Variants in FUT9 observed in about 807,000 individuals in gnomAD.
The protein encoded by FUT9 is 4-galactosyl-N-acetylglucosaminide 3-alpha-L-fucosyltransferase 9.
Under a neutral mutation model 29.7 loss-of-function variants are expected in FUT9, and 15 were observed. That is an observed-to-expected ratio of 0.51 (90% confidence interval 0.34 to 0.78). The LOEUF (loss-of-function observed/expected upper bound fraction) is 0.78. Among genes scored for constraint, FUT9 ranks in the 30% least tolerant of loss-of-function variants. The pLI is 0.01. For synonymous variants in FUT9, 169 were observed against 153.7 expected, an observed-to-expected ratio of 1.10 and a Z score of -0.74; for missense variants, 319 against 425.4, an observed-to-expected ratio of 0.75 and a Z score of 2.20.
chr6:96,183,838 A>T (rs1283861100), intron 2 of FUT9, among the ~76,000 whole-genome samples: 1 of 152,018 alleles, frequency 6.6e-6, no homozygotes, highest in Non-Finnish European at 1.5e-5. Context: ...TATTGGATTC[A>T]GTTAGCTAAT....
At chr6:96,179,809 G>C (rs917972865) in intron 2 of FUT9, among the ~76,000 whole-genome samples, 2 of 152,034 alleles carry the variant, frequency 1.3e-5, no homozygotes, top group Non-Finnish European at 2.9e-5. Context: ...AAGTACATCA[G>C]AGAAAATGAG....
In FUT9 at chr6:96,213,964, C is replaced by T. The variant is rs1307483791; in HGVS notation, c.*9729C>T. On this transcript the variant is annotated 3_prime_UTR_variant, in exon 3 of 3. Coordinates refer to ENST00000302103, the MANE Select transcript of FUT9 (RefSeq NM_006581.4). The stretch of plus-strand genomic sequence containing the variant: ...ATTTACACTGCCACTCACACACAGG[C>T]TCTGTCTCAATCCGTATGCATGATT... The T allele has an allele frequency of 1.2e-5, 2 of 166,948 alleles. No homozygotes were observed. The highest frequency in any genetic ancestry group is 2.4e-5 in the African/African-American group (1 of 41,450). 10.3% of individuals were successfully genotyped at this position (166,948 alleles called of 1,614,324 possible).
At chr6:96,125,557 G>T (rs1772118611) in intron 2 of FUT9, among the ~76,000 whole-genome samples, 1 of 152,144 alleles carries the variant, frequency 6.6e-6, no homozygotes, top group South Asian at 2.1e-4. Flanking sequence ...ATCTAACAGG[G>T]ATTAATATTA....
intron 2 of FUT9, among the ~76,000 whole-genome samples, chr6:96,169,824 T>C (rs897553958): frequency 2.6e-5 from 4 of 152,152 alleles, no homozygotes; most frequent in Non-Finnish European, 5.9e-5. Flanking sequence ...ATTTTTCTCC[T>C]TTTGAAAAGA....
intron 2 of FUT9, among the ~76,000 whole-genome samples, chr6:96,193,420 G>T (rs1314807991): frequency 7.3e-6 from 1 of 137,918 alleles, no homozygotes; most frequent in Non-Finnish European, 1.6e-5. Context: ...CTCAAAAGAA[G>T]ACATTTATGC....
intron 2 of FUT9, among the ~76,000 whole-genome samples, chr6:96,166,101 A>G (rs910068737): frequency 4.6e-5 from 7 of 152,154 alleles, no homozygotes; most frequent in Non-Finnish European, 5.9e-5. Flanking sequence ...AAAAATTTTT[A>G]AAACAAAAGA....
intron 1 of FUT9, among the ~76,000 whole-genome samples, chr6:96,110,659 G>T (rs1055162478): frequency 6.8e-6 from 1 of 147,324 alleles, no homozygotes; most frequent in Non-Finnish European, 1.5e-5. Context: ...ATGCCTGAAG[G>T]CTTTTTTCCT....
At chr6:96,198,584 G>T (rs1467152641) in intron 2 of FUT9, among the ~76,000 whole-genome samples, 1 of 152,134 alleles carries the variant, frequency 6.6e-6, no homozygotes, top group Non-Finnish European at 1.5e-5. Context: ...ACATACGTGT[G>T]CATGTGTCTT....
chr6:96,077,548 A>G lies in FUT9; in HGVS notation c.-97-36491A>G, dbSNP rs182308499. 1.2e-4 allele frequency among the ~76,000 whole-genome samples: 19 copies of G among 152,008 alleles called. No individual in the cohort carries two copies. In the East Asian group the frequency reaches 3.5e-3, roughly 28 times the overall value. ...CTTCCCCCTCCTCTCACCTTGTAAA[A>G]TCTCCTGCTGGAGCTCTCCACCCTT... On this transcript the variant is annotated intron_variant, in intron 1 of 2. Transcript: ENST00000302103.
Position 96,064,771 on chromosome 6 carries a change from G to A in FUT9, c.-98+48559G>A, listed in dbSNP as rs117329873. Among the ~76,000 whole-genome samples, 841 of 151,690 alleles carry A rather than the reference G, an allele frequency of 5.5e-3. 1 individual carries two copies. The highest frequency in any genetic ancestry group is 1.0e-2 in the Non-Finnish European group (676 of 67,834). On this transcript the variant is annotated intron_variant, in intron 1 of 2. Coordinates refer to ENST00000302103, the MANE Select transcript of FUT9 (RefSeq NM_006581.4). ...CACATGCATGCATGTGCACACACAC[G>A]CAAACACACATACACACACCATTCA...
Position 96,210,135 on chromosome 6 carries a change from C to T in FUT9, c.*5900C>T, listed in dbSNP as rs1410336595. ...CTCCCCAGATGGTTCTGGTGTCCTGCTAGTTTTGAGGTTTTCATCCCACCT... is the reference window on the plus strand; with the variant it reads ...CTCCCCAGATGGTTCTGGTGTCCTGTTAGTTTTGAGGTTTTCATCCCACCT... On this transcript the variant is annotated 3_prime_UTR_variant, in exon 3 of 3. Transcript: ENST00000302103. The T allele has an allele frequency of 6.0e-6, 1 of 166,864 alleles. No homozygotes were observed. The highest frequency in any genetic ancestry group is 1.5e-5 in the Non-Finnish European group (1 of 68,036). The allele number at this position is 166,864 out of a possible 1,614,324, so 10.3% of individuals were successfully genotyped here. A position where few individuals can be genotyped will look rare whatever the true frequency, so the allele number is the denominator to read the frequency against.
intron 1 of FUT9, among the ~76,000 whole-genome samples, chr6:96,069,185 C>A (rs372544514): frequency 1.3e-5 from 2 of 151,912 alleles, no homozygotes; most frequent in Non-Finnish European, 2.9e-5. Context: ...CATGGTGGCA[C>A]GTGCCTGTAA....
intron 1 of FUT9, among the ~76,000 whole-genome samples, chr6:96,034,164 A>C (rs189658350): frequency 3.8e-4 from 57 of 151,686 alleles, no homozygotes; most frequent in African/African-American, 1.3e-3. Flanking sequence ...CTTTTGGCTC[A>C]TTCCTCCAGC....
At chr6:96,091,337 T>C (rs566746384) in intron 1 of FUT9, among the ~76,000 whole-genome samples, 94 of 152,198 alleles carry the variant, frequency 6.2e-4, no homozygotes, top group African/African-American at 2.1e-3. Flanking sequence ...AAAAATTCAA[T>C]TTTTCAGAAA....
intron 1 of FUT9, among the ~76,000 whole-genome samples, chr6:96,056,489 T>A (rs974697825): frequency 2.0e-5 from 3 of 152,210 alleles, no homozygotes; most frequent in African/African-American, 7.2e-5. Flanking sequence ...ATGCAGGAAG[T>A]TACAAGACCT....
At chr6:96,073,545 T>C (rs998009544) in intron 1 of FUT9, among the ~76,000 whole-genome samples, 6 of 152,058 alleles carry the variant, frequency 3.9e-5, no homozygotes, top group Admixed American at 1.3e-4. Flanking sequence ...GTGTGTAGTA[T>C]TCAATAGGAT....
intron 2 of FUT9, among the ~76,000 whole-genome samples, chr6:96,201,143 G>T (rs1363435820): frequency 1.3e-5 from 2 of 151,858 alleles, no homozygotes; most frequent in African/African-American, 2.4e-5. Context: ...AAACCATTTA[G>T]ACCTAGTATT....
At chr6:96,083,456 A>G (rs961359213) in intron 1 of FUT9, among the ~76,000 whole-genome samples, 3 of 152,096 alleles carry the variant, frequency 2.0e-5, no homozygotes, top group Non-Finnish European at 2.9e-5. Flanking sequence ...ATTGACTTAC[A>G]AGTTATCATT....
intron 1 of FUT9, among the ~76,000 whole-genome samples, chr6:96,096,172 G>A (rs1771490968): frequency 6.6e-6 from 1 of 151,938 alleles, no homozygotes; most frequent in South Asian, 2.1e-4. Context: ...TTAGTAAATG[G>A]CAACTACATC....
Sources: allele counts gnomAD v4.1 joint callset (sites outside exome capture counted in the v4.1 genomes callset), GRCh38; gene constraint gnomAD v4.1.1; transcripts MANE v1.5; gene names NCBI Gene and HGNC (gene_info 2026-07-23, HGNC 2026-07-21).